Variants in SH3RF2 observed in about 807,000 individuals in gnomAD.
SH3RF2 encodes SH3 domain containing ring finger 2, also known as E3 ubiquitin-protein ligase SH3RF2.
In SH3RF2, 43 loss-of-function variants were observed where a neutral mutation model predicts 59.0. That is an observed-to-expected ratio of 0.73 (90% CI 0.57 to 0.94). SH3RF2 has a LOEUF of 0.94. Ranked by LOEUF, SH3RF2 falls within the 40% of genes least tolerant of loss-of-function variation. SH3RF2 has a pLI of 0.00. For synonymous variants in SH3RF2, 391 were observed against 391.5 expected, an observed-to-expected ratio of 1.00 and a Z score of 0.01; for missense variants, 930 against 940.1, an observed-to-expected ratio of 0.99 and a Z score of 0.14.
chr5:146,004,688 G>A (rs1292321743), intron 4 of SH3RF2, among the ~76,000 whole-genome samples: 1 of 110,106 alleles, frequency 9.1e-6, no homozygotes, highest in African/African-American at 3.1e-5. Context: ...GAATAATATG[G>A]AGAATAATAT....
intron 5 of SH3RF2, among the ~76,000 whole-genome samples, chr5:146,030,518 G>A (rs903012297): frequency 2.6e-5 from 4 of 152,160 alleles, no homozygotes; most frequent in Non-Finnish European, 4.4e-5. Context: ...GGGATTAGGC[G>A]CTTGCTGGGC....
chr5:145,978,292 C>T (rs1037530777), intron 2 of SH3RF2, among the ~76,000 whole-genome samples: 3 of 152,198 alleles, frequency 2.0e-5, no homozygotes, highest in Non-Finnish European at 4.4e-5. Flanking sequence ...AGAGCCCTCA[C>T]CCTGGTCTAT....
At chr5:146,012,384 A>T (rs182097944) in intron 4 of SH3RF2, among the ~76,000 whole-genome samples, 1,707 of 152,278 alleles carry the variant, frequency 0.011, 26 homozygotes, top group African/African-American at 0.039. Flanking sequence ...TCATAAAATG[A>T]GTTAGGGAGG....
intron 4 of SH3RF2, among the ~76,000 whole-genome samples, chr5:146,009,090 T>C (rs979213935): frequency 6.6e-6 from 1 of 152,242 alleles, no homozygotes; most frequent in African/African-American, 2.4e-5. Context: ...GTTATAAACA[T>C]TTGCATACTG....
chr5:145,954,624 G>T (rs894455620), intron 2 of SH3RF2, among the ~76,000 whole-genome samples: 3 of 152,084 alleles, frequency 2.0e-5, no homozygotes, highest in African/African-American at 4.8e-5. Context: ...TGAAATCTTT[G>T]CCCGTTCCTA....
At chr5:146,039,114 A>T (rs188016336) in intron 5 of SH3RF2, among the ~76,000 whole-genome samples, 1 of 152,316 alleles carries the variant, frequency 6.6e-6, no homozygotes, top group African/African-American at 2.4e-5. Context: ...AAAAAGATGA[A>T]ATTGGATTCC....
chr5:146,067,795 C>T (rs1008549383), downstream of SH3RF2, among the ~76,000 whole-genome samples: 19 of 150,950 alleles, frequency 1.3e-4, no homozygotes, highest in Admixed American at 7.9e-4. Context: ...ACCCACACCC[C>T]GGTCCTTCCC....
rs772565815 is a variant in SH3RF2 at position 146,059,986 on chromosome 5, T to G, written c.1676T>G (p.Ile559Ser). The G allele has an allele frequency of 1.4e-5, 23 of 1,586,314 alleles. No individual in the cohort carries two copies. Among genetic ancestry groups the G allele is most frequent in the Non-Finnish European group, 1.8e-5 (21 of 1,165,252 alleles). ...QQFQFYQPQG[I>S]PSSPSAVVVE... Reference sequence around the variant, plus strand: ...TTCCAATTCTACCAGCCACAGGGGATCCCCTCCTCCCCCTCAGCCGTGGTG... The same window carrying G: ...TTCCAATTCTACCAGCCACAGGGGAGCCCCTCCTCCCCCTCAGCCGTGGTG... The change falls in exon 9 of 10, where the codon ATC becomes AGC. Residue 559 changes from isoleucine (I) to serine (S), a missense_variant. Physicochemically the swap from Ile to Ser is moderately radical, Grantham distance 142. Coordinates refer to ENST00000359120, the MANE Select transcript of SH3RF2 (RefSeq NM_152550.4).
intron 2 of SH3RF2, among the ~76,000 whole-genome samples, chr5:145,993,456 AG>A (rs1760030207): frequency 6.6e-6 from 1 of 152,202 alleles, no homozygotes. Flanking sequence ...TCTCCATGAC[AG>A]CCCTGCCACT....
chr5:146,074,583 A>AAAC (rs1554122778), intron 9 of SH3RF2, among the ~76,000 whole-genome samples: 1 of 152,062 alleles, frequency 6.6e-6, no homozygotes, highest in African/African-American at 2.4e-5. Context: ...CATCTAAAAA[A>AAAC]AAAACAAAAC....
chr5:146,078,453 C>G (rs1763374562), intron 9 of SH3RF2: 1 of 152,200 alleles, frequency 6.6e-6, no homozygotes, highest in Non-Finnish European at 1.5e-5. Flanking sequence ...TCCTTTTTAC[C>G]TTACAGAGCC....
intron 5 of SH3RF2, among the ~76,000 whole-genome samples, chr5:146,019,802 T>C (rs988413998): frequency 2.5e-4 from 38 of 152,190 alleles, no homozygotes; most frequent in African/African-American, 9.2e-4. Context: ...GTTCTCCTTG[T>C]AGAGATCTTT....
intron 9 of SH3RF2, among the ~76,000 whole-genome samples, chr5:146,073,568 A>G (rs950576706): frequency 1.3e-5 from 2 of 152,242 alleles, no homozygotes; most frequent in Non-Finnish European, 2.9e-5. Flanking sequence ...TATGGGCTCC[A>G]GGCAAGTGCT....
chr5:146,026,567 C>T (rs931060246), intron 5 of SH3RF2, among the ~76,000 whole-genome samples: 1 of 152,120 alleles, frequency 6.6e-6, no homozygotes, highest in Non-Finnish European at 1.5e-5. Context: ...TGTGATTCTT[C>T]CTGTCTTCTG....
intron 4 of SH3RF2, among the ~76,000 whole-genome samples, chr5:146,013,051 G>A (rs1373535401): frequency 1.3e-5 from 2 of 152,078 alleles, no homozygotes; most frequent in Admixed American, 1.3e-4. Context: ...GTGATTACAT[G>A]AACATATTTA....
intron 2 of SH3RF2, among the ~76,000 whole-genome samples, chr5:145,984,880 G>A (rs1005331156): frequency 3.3e-5 from 5 of 152,144 alleles, no homozygotes; most frequent in African/African-American, 9.7e-5. Flanking sequence ...GCTTCAGCTG[G>A]GCATGGTGGC....
intron 2 of SH3RF2, among the ~76,000 whole-genome samples, chr5:145,979,944 A>G (rs761742113): frequency 6.6e-6 from 1 of 152,230 alleles, no homozygotes; most frequent in Non-Finnish European, 1.5e-5. Flanking sequence ...TACAGTAGCA[A>G]GTGGGAGAAC....
chr5:145,944,354 T>A (rs919924709), intron 2 of SH3RF2, among the ~76,000 whole-genome samples: 35 of 148,556 alleles, frequency 2.4e-4, no homozygotes, highest in East Asian at 9.7e-4. Context: ...TTTTTTTTTT[T>A]TAAATTATGC....
At chr5:145,965,003 C>T (rs976842404) in intron 2 of SH3RF2, among the ~76,000 whole-genome samples, 4 of 151,830 alleles carry the variant, frequency 2.6e-5, no homozygotes, top group African/African-American at 4.8e-5. Flanking sequence ...GACTAGCCTG[C>T]GCAACACGGT....
Sources: gnomAD v4.1 joint callset for allele counts (sites outside exome capture counted in the v4.1 genomes callset) on GRCh38, gnomAD v4.1.1 for gene constraint, MANE v1.5 for transcripts, NCBI Gene and HGNC (gene_info 2026-07-23, HGNC 2026-07-21) for gene names.